NTM: variants seen among roughly 807,000 people sequenced by gnomAD.
NTM encodes the protein neurotrimin.
In NTM, 13 loss-of-function variants were observed where a neutral mutation model predicts 42.1. The ratio of observed to expected loss-of-function variants is 0.31; its 90% CI spans 0.20 to 0.49. NTM has a LOEUF of 0.49. Ranked by LOEUF, NTM falls within the 20% of genes least tolerant of loss-of-function variation. The probability of loss-of-function intolerance (pLI) is 0.99; values close to 1 mark genes in which losing one functional copy is unlikely to be tolerated. For synonymous variants in NTM, 187 were observed against 179.2 expected, an observed-to-expected ratio of 1.04 and a Z score of -0.35; for missense variants, 373 against 452.8, an observed-to-expected ratio of 0.82 and a Z score of 1.60.
chr11:131,452,796 A>T (rs1206401778), intron 1 of NTM, among the ~76,000 whole-genome samples: 1 of 152,186 alleles, frequency 6.6e-6, no homozygotes, highest in Non-Finnish European at 1.5e-5. Flanking sequence ...ATCAGGCCAC[A>T]CAGGTGCTGG....
At chr11:132,151,472 T>G (rs557502162) in intron 3 of NTM, among the ~76,000 whole-genome samples, 1 of 152,286 alleles carries the variant, frequency 6.6e-6, no homozygotes, top group East Asian at 1.9e-4. Flanking sequence ...TAGAGACACA[T>G]TTGTATGACA....
At chr11:131,870,474 G>A (rs923378873) in intron 1 of NTM, among the ~76,000 whole-genome samples, 2 of 152,128 alleles carry the variant, frequency 1.3e-5, no homozygotes, top group Admixed American at 1.3e-4. Context: ...CCCGCCTGAT[G>A]GGTGCCCCAG....
chr11:132,180,846 C>T (rs561998254), intron 3 of NTM, among the ~76,000 whole-genome samples: 5 of 152,120 alleles, frequency 3.3e-5, no homozygotes, highest in African/African-American at 4.8e-5. Flanking sequence ...CCATTGTATT[C>T]GCTACTACCA....
rs538703483 is a variant in NTM at position 131,574,645 on chromosome 11, T to C, written c.82+203757T>C. 2.0e-5 allele frequency among the ~76,000 whole-genome samples: 3 copies of C among 152,064 alleles called. No homozygotes were observed. The East Asian group carries it at 5.8e-4, about 29-fold the overall frequency. On this transcript the variant is annotated intron_variant, in intron 1 of 8. Coordinates refer to ENST00000683400, the MANE Select transcript of NTM (RefSeq NM_001352005.2). ...GGATGGCTGGGATCCTGTCCAGTGA[T>C]CTACAGTCAATGCCAGTCCCAGAGT...
intron 2 of NTM, among the ~76,000 whole-genome samples, chr11:132,037,034 C>T (rs566624873): frequency 6.6e-6 from 1 of 152,240 alleles, no homozygotes; most frequent in Non-Finnish European, 1.5e-5. Context: ...AGTCAGTTTC[C>T]TTCTCCAGAT....
intron 1 of NTM, among the ~76,000 whole-genome samples, chr11:131,603,927 A>G (rs771749057): frequency 8.5e-6 from 1 of 117,074 alleles, no homozygotes; most frequent in Non-Finnish European, 1.9e-5. Flanking sequence ...TTGTTTATCC[A>G]TTCATCATTT....
At chr11:131,768,674 A>G (rs2085540941) in intron 1 of NTM, among the ~76,000 whole-genome samples, 1 of 152,214 alleles carries the variant, frequency 6.6e-6, no homozygotes, top group East Asian at 1.9e-4. Flanking sequence ...CTATCTGGCC[A>G]CTGGTTTTAA....
At chr11:131,504,077 G>A (rs1304700002) in intron 1 of NTM, among the ~76,000 whole-genome samples, 1 of 152,156 alleles carries the variant, frequency 6.6e-6, no homozygotes, top group Non-Finnish European at 1.5e-5. Context: ...TCTGAGGACT[G>A]CTCATCCAGG....
intron 1 of NTM, among the ~76,000 whole-genome samples, chr11:131,434,726 C>G (rs909726291): frequency 1.3e-5 from 2 of 152,100 alleles, no homozygotes; most frequent in Non-Finnish European, 2.9e-5. Flanking sequence ...AAATTTTCTC[C>G]CATTCTGTAG....
chr11:132,023,056 T>G (rs529432894), intron 2 of NTM, among the ~76,000 whole-genome samples: 41 of 152,298 alleles, frequency 2.7e-4, no homozygotes, highest in African/African-American at 9.9e-4. Context: ...AAAAAAATAC[T>G]ATAGAGAATA....
At chr11:131,634,665 C>T (rs2064150398) in intron 1 of NTM, among the ~76,000 whole-genome samples, 1 of 149,814 alleles carries the variant, frequency 6.7e-6, no homozygotes, top group East Asian at 2.0e-4. Flanking sequence ...GAGTGAGCTT[C>T]TTTAATCAAA....
At chr11:131,533,622 G>A (rs978018408) in intron 1 of NTM, among the ~76,000 whole-genome samples, 8 of 152,184 alleles carry the variant, frequency 5.3e-5, no homozygotes, top group African/African-American at 1.9e-4. Flanking sequence ...TGGGCTTAGA[G>A]CATCCCTTCT....
chr11:131,559,607 T>A (rs1462685139), intron 1 of NTM, among the ~76,000 whole-genome samples: 1 of 152,158 alleles, frequency 6.6e-6, no homozygotes, highest in Admixed American at 6.5e-5. Flanking sequence ...TCTATATGAG[T>A]CAAAATATAG....
chr11:131,733,476 T>A (rs1475225224), intron 1 of NTM, among the ~76,000 whole-genome samples: 1 of 136,114 alleles, frequency 7.3e-6, no homozygotes, highest in Admixed American at 7.3e-5. Flanking sequence ...CCTTCCTTCC[T>A]TCCTTCCTTC....
chr11:131,918,696 G>T (rs1222167913), intron 2 of NTM, among the ~76,000 whole-genome samples: 1 of 152,066 alleles, frequency 6.6e-6, no homozygotes, highest in African/African-American at 2.4e-5. Context: ...TCCCACTAGA[G>T]ACCCAGTGAG....
chr11:131,748,897 G>T (rs1038219367), intron 1 of NTM, among the ~76,000 whole-genome samples: 4 of 152,194 alleles, frequency 2.6e-5, no homozygotes, highest in Non-Finnish European at 5.9e-5. Context: ...TTTCCTCACA[G>T]CATGGGGGCT....
intron 2 of NTM, among the ~76,000 whole-genome samples, chr11:131,925,644 C>T (rs1333112183): frequency 6.6e-6 from 1 of 152,058 alleles, no homozygotes; most frequent in African/African-American, 2.4e-5. Context: ...CTTGGCCTGC[C>T]AAAGTGCTGG....
chr11:131,714,833 A>G (rs2077522504), intron 1 of NTM, among the ~76,000 whole-genome samples: 1 of 152,152 alleles, frequency 6.6e-6, no homozygotes, highest in Admixed American at 6.5e-5. Context: ...AGGCATGCCC[A>G]GTGTCCACAG....
intron 8 of NTM, 73 bp downstream of exon 8, chr11:132,330,258 A>G: frequency 2.0e-6 from 3 of 1,511,506 alleles, no homozygotes; most frequent in Admixed American, 4.0e-5. Flanking sequence ...TTCCTCCCAG[A>G]TGCCTTCTTT....
Sources: gnomAD v4.1 joint callset for allele counts (sites outside exome capture counted in the v4.1 genomes callset) on GRCh38, gnomAD v4.1.1 for gene constraint, MANE v1.5 for transcripts, NCBI Gene and HGNC (gene_info 2026-07-23, HGNC 2026-07-21) for gene names.